OR14L1: variants seen among roughly 807,000 people sequenced by gnomAD.
The protein encoded by OR14L1 is olfactory receptor 14L1.
chr1:247,619,140 A>G, the OR14L1 span, among the ~76,000 whole-genome samples: 1 of 152,184 alleles, frequency 6.6e-6, no homozygotes, highest in African/African-American at 2.4e-5. Context: ...TAGTTATGAC[A>G]TAAGGAGCCT....
chr1:247,619,132 G>T, the OR14L1 span, among the ~76,000 whole-genome samples: 1 of 152,118 alleles, frequency 6.6e-6, no homozygotes, highest in East Asian at 1.9e-4. Context: ...TCACTAAATA[G>T]TTATGACATA....
At chr1:247,617,525 C>T in the OR14L1 span, 2 of 152,196 alleles carry the variant, frequency 1.3e-5, no homozygotes, top group Admixed American at 6.6e-5. Flanking sequence ...AAGCACAACA[C>T]ATTTTAGAAT....
At chr1:247,620,974 A>G in the OR14L1 span, 8 of 152,194 alleles carry the variant, frequency 5.3e-5, no homozygotes, top group Admixed American at 2.0e-4. Context: ...AACCAAATGG[A>G]AAATAAACAT....
the OR14L1 span, chr1:247,621,664 T>A: frequency 6.6e-6 from 1 of 152,240 alleles, no homozygotes; most frequent in Non-Finnish European, 1.5e-5. Flanking sequence ...TGGAACTCTG[T>A]GCTCTCCGAC....
chr1:247,620,230 G>A, the OR14L1 span: 1 of 152,106 alleles, frequency 6.6e-6, no homozygotes, highest in African/African-American at 2.4e-5. Flanking sequence ...CATTGAGATT[G>A]GAGTCATGGT....
chr1:247,619,669 G>T, the OR14L1 span: 1 of 151,990 alleles, frequency 6.6e-6, no homozygotes, highest in Non-Finnish European at 1.5e-5. Context: ...TGAAGTTGCT[G>T]AATTTTTCCT....
chr1:247,619,748 C>A, the OR14L1 span: 1 of 152,176 alleles, frequency 6.6e-6, no homozygotes, highest in Admixed American at 6.5e-5. Context: ...GTTTACCTGG[C>A]AGCTGTCATA....
the OR14L1 span, among the ~76,000 whole-genome samples, chr1:247,618,398 T>C: frequency 6.6e-6 from 1 of 152,168 alleles, no homozygotes; most frequent in African/African-American, 2.4e-5. Flanking sequence ...ATACTTTAAA[T>C]TGATACAGTT....
At chr1:247,618,400 G>C in the OR14L1 span, among the ~76,000 whole-genome samples, 1 of 152,004 alleles carries the variant, frequency 6.6e-6, no homozygotes, top group African/African-American at 2.4e-5. Context: ...ACTTTAAATT[G>C]ATACAGTTTA....
At chr1:247,619,771 A>G in the OR14L1 span, 2 of 152,190 alleles carry the variant, frequency 1.3e-5, no homozygotes, top group Non-Finnish European at 2.9e-5. Flanking sequence ...AAATCTCCTA[A>G]TCATCATACT....
At chr1:247,618,241 C>T in the OR14L1 span, among the ~76,000 whole-genome samples, 9 of 152,162 alleles carry the variant, frequency 5.9e-5, no homozygotes, top group African/African-American at 2.2e-4. Flanking sequence ...ACCAGGAAAT[C>T]AGTGATTGCC....
the OR14L1 span, among the ~76,000 whole-genome samples, chr1:247,619,056 T>C: frequency 6.6e-6 from 1 of 152,202 alleles, no homozygotes; most frequent in Non-Finnish European, 1.5e-5. Flanking sequence ...CCAACCATTG[T>C]GCTTTTTACG....
At chr1:247,617,923 T>C in the OR14L1 span, among the ~76,000 whole-genome samples, 1 of 152,198 alleles carries the variant, frequency 6.6e-6, no homozygotes, top group African/African-American at 2.4e-5. Context: ...GAGTCCTTGA[T>C]ATTTCTCTTC....
At chr1:247,619,571 G>T in the OR14L1 span, 2 of 152,244 alleles carry the variant, frequency 1.3e-5, no homozygotes, top group African/African-American at 4.8e-5. Context: ...AAATATCACT[G>T]GGGGTAGCCA....
At chr1:247,619,276 T>C in the OR14L1 span, among the ~76,000 whole-genome samples, 7 of 152,234 alleles carry the variant, frequency 4.6e-5, no homozygotes, top group African/African-American at 1.2e-4. Context: ...AATAAATATG[T>C]ATATTCAGTT....
the OR14L1 span, among the ~76,000 whole-genome samples, chr1:247,618,195 T>G: frequency 6.6e-6 from 1 of 152,166 alleles, no homozygotes; most frequent in East Asian, 1.9e-4. Context: ...ATTTTGGTTT[T>G]CTTTCTCGGT....
the OR14L1 span, chr1:247,620,776 G>T: frequency 1.3e-5 from 2 of 152,080 alleles, no homozygotes; most frequent in African/African-American, 2.4e-5. Flanking sequence ...GTACTTCGGG[G>T]TGTTCAAAAC....
chr1:247,619,971 G>A, the OR14L1 span: 1 of 152,208 alleles, frequency 6.6e-6, no homozygotes, highest in Non-Finnish European at 1.5e-5. Flanking sequence ...CAACTACGGA[G>A]GTAGCCATCC....
At chr1:247,618,977 C>T in the OR14L1 span, among the ~76,000 whole-genome samples, 11 of 152,254 alleles carry the variant, frequency 7.2e-5, no homozygotes, top group Non-Finnish European at 1.0e-4. Flanking sequence ...TACCTCCCTA[C>T]GTTCTCTATT....
Sources: allele counts gnomAD v4.1 joint callset (sites outside exome capture counted in the v4.1 genomes callset), GRCh38; gene constraint gnomAD v4.1.1; transcripts MANE v1.5; gene names NCBI Gene and HGNC (gene_info 2026-07-23, HGNC 2026-07-21).